YPEL4: variants seen among roughly 807,000 people sequenced by gnomAD.
YPEL4 encodes protein yippee-like 4.
In YPEL4, 5 loss-of-function variants were observed where a neutral mutation model predicts 16.3. The ratio of observed to expected loss-of-function variants is 0.31; its 90% CI spans 0.16 to 0.64. YPEL4 has a LOEUF of 0.64. Among genes scored for constraint, YPEL4 ranks in the 30% least tolerant of loss-of-function variants. The pLI, the probability that YPEL4 is intolerant of heterozygous loss-of-function variation, is 0.79. For missense variants in YPEL4, 127 were observed against 170.0 expected (o/e 0.75, Z 1.41); for synonymous variants, 61 against 60.7 (o/e 1.00, Z -0.02).
In YPEL4 at chr11:57,646,856, C is replaced by T. The variant is rs1590841926; in HGVS notation, c.142-62G>A. 6.2e-6 allele frequency: 10 copies of T among 1,607,164 alleles called. No homozygotes were observed. In the East Asian group the frequency reaches 2.2e-4, roughly 36 times the overall value. ...GCCTTCAGCCCCACTGCCTGAATCC[C>T]CGCAGGGGTGTGTAGGAGAGAGGAA... On this transcript the variant is annotated intron_variant, in intron 2 of 4. Coordinates refer to ENST00000300022, the MANE Select transcript of YPEL4 (RefSeq NM_145008.3).
At position 57,645,935 on chromosome 11, in the gene YPEL4, G is replaced by C; in HGVS notation, c.*46C>G. On this transcript the variant is annotated 3_prime_UTR_variant, in exon 5 of 5. Coordinates refer to ENST00000300022, the MANE Select transcript of YPEL4 (RefSeq NM_145008.3). Reference sequence around the variant, plus strand: ...GTATAGACTGCTTGGCAGGGCCGTGGGGAGGGAGGGGCATGCGGAGGAAGG... The same window carrying C: ...GTATAGACTGCTTGGCAGGGCCGTGCGGAGGGAGGGGCATGCGGAGGAAGG... The C allele has an allele frequency of 6.3e-7, 1 of 1,595,816 alleles. No homozygotes were observed. Among genetic ancestry groups the C allele is most frequent in the Non-Finnish European group, 8.6e-7 (1 of 1,166,722 alleles).
rs1316629976 is a variant in YPEL4, at chr11:57,645,457, C to G, written c.*524G>C. On this transcript the variant is annotated 3_prime_UTR_variant, in exon 5 of 5. Transcript: ENST00000300022. Reference sequence around the variant, plus strand: ...GCCTGGGATTTGAGTTTTCCCTGCACTCAAGTCCTTTTCCCTACAAATAGG... The same window carrying G: ...GCCTGGGATTTGAGTTTTCCCTGCAGTCAAGTCCTTTTCCCTACAAATAGG... 6.5e-6 allele frequency: 1 copy of G among 154,986 alleles called. No homozygotes were observed. Among genetic ancestry groups the G allele is most frequent in the Admixed American group, 6.3e-5 (1 of 15,918 alleles). The allele number at this position is 154,986 out of a possible 1,614,324, so 9.6% of individuals were successfully genotyped here. A position where few individuals can be genotyped will look rare whatever the true frequency, so the allele number is the denominator to read the frequency against.
chr11:57,646,665 G>T, intron 3 of YPEL4, 86 bp downstream of exon 3: 1 of 1,564,088 alleles, frequency 6.4e-7, no homozygotes, highest in Non-Finnish European at 8.7e-7. Flanking sequence ...AAGATCACCT[G>T]ATGGATTCCC....
chr11:57,647,120 G>C lies in YPEL4; in HGVS notation c.-13C>G. 1 of 1,557,400 alleles carries C rather than the reference G, an allele frequency of 6.4e-7. No homozygotes were observed. Among genetic ancestry groups the C allele is most frequent in the Non-Finnish European group, 8.7e-7 (1 of 1,155,720 alleles). On this transcript the variant is annotated 5_prime_UTR_variant, in exon 2 of 5. Coordinates refer to ENST00000300022, the MANE Select transcript of YPEL4 (RefSeq NM_145008.3). This position sits in a 1 kb window ranked among gnomAD's most constrained non-coding sequence, Gnocchi z 4.2. Reference sequence around the variant, plus strand: ...CACAGCTGGGCATGACGGGCTGGAGGACAATGCCCTGGTGGGCTGGAGGGG... The same window carrying C: ...CACAGCTGGGCATGACGGGCTGGAGCACAATGCCCTGGTGGGCTGGAGGGG...
At position 57,647,679 on chromosome 11, in the gene YPEL4, A is replaced by C. The variant is rs533680749; in HGVS notation, c.-184-388T>G. ...TCGCACAGGCACTGTGTCTCAGGGG[A>C]TCAGAGCCTTTTAAGAGTTGGGGAT... On this transcript the variant is annotated intron_variant, in intron 1 of 4. Transcript: ENST00000300022. The surrounding 1 kb of genome is among the most constrained non-coding windows in gnomAD (Gnocchi z 4.2). 1 of 152,316 alleles carries C rather than the reference A, an allele frequency of 6.6e-6. No individual in the cohort carries two copies. Among genetic ancestry groups the C allele is most frequent in the East Asian group, 1.9e-4 (1 of 5,162 alleles). 9.4% of individuals were successfully genotyped at this position (152,316 alleles called of 1,614,324 possible). A position where few individuals can be genotyped will look rare whatever the true frequency, so the allele number is the denominator to read the frequency against.
chr11:57,647,273 A>G lies in YPEL4; in HGVS notation c.-166T>C, dbSNP rs1945743927. The G allele has an allele frequency of 1.1e-6, 1 of 930,944 alleles. No individual in the cohort carries two copies. The highest frequency in any genetic ancestry group is 3.5e-5 in the Admixed American group (1 of 28,394). The allele number at this position is 930,944 out of a possible 1,614,324, so 57.7% of individuals were successfully genotyped here. ...GCCAGGGCCCCCCCAGACGAGAACC[A>G]GATAGAAATAGAAGTCACCTGGGAA... On this transcript the variant is annotated 5_prime_UTR_variant, in exon 2 of 5. Coordinates refer to ENST00000300022, the MANE Select transcript of YPEL4 (RefSeq NM_145008.3). The surrounding 1 kb of genome is among the most constrained non-coding windows in gnomAD (Gnocchi z 4.2).
At position 57,647,088 on chromosome 11, in the gene YPEL4, C is replaced by A. The variant is rs1945740485; in HGVS notation, c.20G>T (p.Gly7Val). The A allele has an allele frequency of 1.3e-6, 2 of 1,587,182 alleles. No homozygotes were observed. The highest frequency in any genetic ancestry group is 4.5e-5 in the East Asian group (2 of 44,140). MPSCDP[G>V]PGPACLPTKT... is the part of the protein sequence containing the mutation. ...GGTGGGGAGGCAGGCAGGGCCCGGACCGGGGTCACAGCTGGGCATGACGGG... is the reference window on the plus strand; with the variant it reads ...GGTGGGGAGGCAGGCAGGGCCCGGAACGGGGTCACAGCTGGGCATGACGGG... Residue 7 changes from glycine to valine, a missense_variant, in exon 2 of 5, where the codon GGT becomes GTT. Physicochemically the swap from Gly to Val is moderately radical, Grantham distance 109. Transcript: ENST00000300022. This position sits in a 1 kb window ranked among gnomAD's most constrained non-coding sequence, Gnocchi z 4.2.
chr11:57,646,828 G>C, intron 2 of YPEL4, 34 bp from the exon 3 acceptor site: 1 of 1,612,824 alleles, frequency 6.2e-7, no homozygotes, highest in Non-Finnish European at 8.5e-7. Context: ...TGACTACCAA[G>C]CAGCCTTCAG....
In YPEL4 at chr11:57,647,067, G is replaced by C. The variant is rs1366823389; in HGVS notation, c.41C>G (p.Pro14Arg). ...CDPGPGPACL[P>R]TKTFRSYLPR... ...CAGATAGCTGCGGAAAGTCTTGGTG[G>C]GGAGGCAGGCAGGGCCCGGACCGGG... The change falls in exon 2 of 5, where the codon CCC (proline) becomes CGC (arginine). Residue 14 changes from proline (P) to arginine (R), a missense_variant. Transcript: ENST00000300022. This position sits in a 1 kb window ranked among gnomAD's most constrained non-coding sequence, Gnocchi z 4.2. 1.3e-6 allele frequency: 2 copies of C among 1,595,574 alleles called. No individual in the cohort carries two copies. Among genetic ancestry groups the C allele is most frequent in the African/African-American group, 2.7e-5 (2 of 74,610 alleles).
In YPEL4 at chr11:57,647,290, A is replaced by G; in HGVS notation, c.-183T>C. 1.3e-6 allele frequency: 1 copy of G among 782,784 alleles called. No individual in the cohort carries two copies. The highest frequency in any genetic ancestry group is 3.7e-5 in the Admixed American group (1 of 27,344). 48.5% of individuals were successfully genotyped at this position (782,784 alleles called of 1,614,324 possible). On this transcript the variant is annotated splice_region_variant and 5_prime_UTR_variant, in exon 2 of 5. Coordinates refer to ENST00000300022, the MANE Select transcript of YPEL4 (RefSeq NM_145008.3). This position sits in a 1 kb window ranked among gnomAD's most constrained non-coding sequence, Gnocchi z 4.2. ...CGAGAACCAGATAGAAATAGAAGTC[A>G]CCTGGGAAGAGGGGAAAGGACATCA...
In YPEL4 at chr11:57,647,202, G is replaced by T; in HGVS notation, c.-95C>A. The stretch of plus-strand genomic sequence containing the variant: ...GCAGGTGAAGCAGCGGAGCAGGTTG[G>T]CTAGAGCCGTGTTTCAGGGCAGGAG... On this transcript the variant is annotated 5_prime_UTR_variant, in exon 2 of 5. Coordinates refer to ENST00000300022, the MANE Select transcript of YPEL4 (RefSeq NM_145008.3). This position sits in a 1 kb window ranked among gnomAD's most constrained non-coding sequence, Gnocchi z 4.2. The T allele has an allele frequency of 6.9e-7, 1 of 1,445,868 alleles. No individual in the cohort carries two copies. Among genetic ancestry groups the T allele is most frequent in the Middle Eastern group, 2.5e-4 (1 of 3,970 alleles). 89.6% of individuals were successfully genotyped at this position (1,445,868 alleles called of 1,614,324 possible).
rs759878080 is a variant in YPEL4 at position 57,646,806 on chromosome 11, T to C, written c.142-12A>G. 4.1e-5 allele frequency: 66 copies of C among 1,613,582 alleles called. No individual in the cohort carries two copies. Among genetic ancestry groups the C allele is most frequent in the Non-Finnish European group, 4.8e-5 (57 of 1,179,908 alleles). ...CTCCCTTGGAAGGACTGTGGAGACA[T>C]AGGACAGACAATGACTACCAAGCAG... is the stretch of plus-strand genomic sequence containing the variant. On this transcript the variant is annotated splice_polypyrimidine_tract_variant and intron_variant, in intron 2 of 4. Coordinates refer to ENST00000300022, the MANE Select transcript of YPEL4 (RefSeq NM_145008.3).
Position 57,647,279 on chromosome 11 carries a change from A to G in YPEL4, c.-172T>C. The stretch of plus-strand genomic sequence containing the variant: ...GCCCCCCCAGACGAGAACCAGATAG[A>G]AATAGAAGTCACCTGGGAAGAGGGG... On this transcript the variant is annotated 5_prime_UTR_variant, in exon 2 of 5. Coordinates refer to ENST00000300022, the MANE Select transcript of YPEL4 (RefSeq NM_145008.3). The surrounding 1 kb of genome is among the most constrained non-coding windows in gnomAD (Gnocchi z 4.2). 1 of 879,280 alleles carries G rather than the reference A, an allele frequency of 1.1e-6. No homozygotes were observed. 54.5% of individuals were successfully genotyped at this position (879,280 alleles called of 1,614,324 possible).
Position 57,647,011 on chromosome 11 carries a change from G to A in YPEL4, c.97C>T (p.His33Tyr), listed in dbSNP as rs370790912. The A allele has an allele frequency of 8.8e-6, 14 of 1,597,082 alleles. No homozygotes were observed. In the African/African-American group the frequency reaches 1.7e-4, roughly 20 times the overall value. ...PRCHRTYSCV[H>Y]CRAHLAKHDE... ...TGTTTGGCCAGGTGTGCACGGCAGTGGACACAGCTGTAAGTGCGGTGACAG... is the reference window on the plus strand; with the variant it reads ...TGTTTGGCCAGGTGTGCACGGCAGTAGACACAGCTGTAAGTGCGGTGACAG... Residue 33 changes from histidine (H) to tyrosine (Y), a missense_variant, in exon 2 of 5, where the codon CAC (histidine) becomes TAC (tyrosine). Transcript: ENST00000300022. The surrounding 1 kb of genome is among the most constrained non-coding windows in gnomAD (Gnocchi z 4.2).
intron 3 of YPEL4, 25 bp from the exon 4 acceptor site, chr11:57,646,430 C>T (rs1945730948): frequency 6.2e-7 from 1 of 1,613,732 alleles, no homozygotes; most frequent in Non-Finnish European, 8.5e-7. Flanking sequence ...AGGAAGGACC[C>T]AGCACCCAGT....
chr11:57,646,656 A>C, intron 3 of YPEL4, 95 bp downstream of exon 3: 2 of 1,546,368 alleles, frequency 1.3e-6, no homozygotes, highest in South Asian at 2.3e-5. Context: ...TGAAGGCACA[A>C]GATCACCTGA....
chr11:57,646,465 C>A, intron 3 of YPEL4, 60 bp from the exon 4 acceptor site: 10 of 1,590,650 alleles, frequency 6.3e-6, no homozygotes, highest in Non-Finnish European at 7.8e-6. Context: ...AGTCCAGTCC[C>A]CAGACAGCCC....
intron 4 of YPEL4, 62 bp from the exon 5 acceptor site, chr11:57,646,132 C>G (rs928383431): frequency 3.8e-6 from 6 of 1,589,772 alleles, no homozygotes; most frequent in Non-Finnish European, 4.3e-6. Context: ...CCCACTGTCA[C>G]CTGTATGGCC....
chr11:57,646,943 A>G, intron 2 of YPEL4, 24 bp downstream of exon 2: 1 of 1,570,300 alleles, frequency 6.4e-7, no homozygotes, highest in Non-Finnish European at 8.7e-7. Flanking sequence ...GAGGAGGGGA[A>G]TGGCAGGTCC....
Sources: gnomAD v4.1 joint callset for allele counts on GRCh38, gnomAD v4.1.1 for gene constraint, Gnocchi (gnomAD v3.1) non-coding constraint, MANE v1.5 for transcripts, NCBI Gene and HGNC (gene_info 2026-07-23, HGNC 2026-07-21) for gene names.